Variants in FBXO34 observed in about 807,000 individuals in gnomAD.
FBXO34 encodes F-box protein 34.
Under a neutral mutation model 24.5 loss-of-function variants are expected in FBXO34, and 12 were observed. The observed-to-expected ratio is 0.49, with a 90% CI of 0.31 to 0.79. FBXO34 has a LOEUF of 0.79. Among genes scored for constraint, FBXO34 ranks in the 30% least tolerant of loss-of-function variants. The probability of loss-of-function intolerance (pLI) is 0.04; values close to 1 mark genes in which losing one functional copy is unlikely to be tolerated. For synonymous variants in FBXO34, 320 were observed against 311.9 expected (o/e 1.03, Z -0.27); for missense variants, 823 against 857.7 (o/e 0.96, Z 0.51).
At chr14:55,347,649 CCT>C (rs1329509926) in intron 1 of FBXO34, among the ~76,000 whole-genome samples, 1 of 152,150 alleles carries the variant, frequency 6.6e-6, no homozygotes, top group African/African-American at 2.4e-5. Context: ...GGGATCACCT[CCT>C]ATTTTAATCT....
At chr14:55,426,183 C>G in the FBXO34 span, among the ~76,000 whole-genome samples, 1 of 151,714 alleles carries the variant, frequency 6.6e-6, no homozygotes. Context: ...AGGAGAATCA[C>G]TTGAACCCTG....
chr14:55,442,905 G>C, the FBXO34 span, among the ~76,000 whole-genome samples: 1 of 152,200 alleles, frequency 6.6e-6, no homozygotes, highest in Admixed American at 6.5e-5. Flanking sequence ...TTCACACAGA[G>C]AAGGCCAGGT....
At chr14:55,365,159 C>T (rs140187672), downstream of FBXO34, among the ~76,000 whole-genome samples, 3 of 146,540 alleles carry the variant, frequency 2.0e-5, no homozygotes, top group Admixed American at 2.1e-4. Context: ...TGCAGTGAGC[C>T]GAGATCGTGC....
At chr14:55,404,894 T>C in the FBXO34 span, among the ~76,000 whole-genome samples, 1 of 152,204 alleles carries the variant, frequency 6.6e-6, no homozygotes, top group African/African-American at 2.4e-5. Flanking sequence ...CAGTTTCCTC[T>C]GCTTAAAATA....
chr14:55,437,076 C>T, the FBXO34 span: 9 of 1,469,296 alleles, frequency 6.1e-6, no homozygotes, highest in South Asian at 1.0e-4. Context: ...GCATGTTACA[C>T]AAAAGGGATG....
At chr14:55,289,201 T>A (rs980585924) in intron 1 of FBXO34, among the ~76,000 whole-genome samples, 9 of 152,298 alleles carry the variant, frequency 5.9e-5, no homozygotes, top group Middle Eastern at 3.4e-3. Context: ...CCAGCATTTT[T>A]AAATTTTGTT....
chr14:55,297,070 G>T (rs144942905), intron 1 of FBXO34, among the ~76,000 whole-genome samples: 1 of 152,124 alleles, frequency 6.6e-6, no homozygotes, highest in African/African-American at 2.4e-5. Flanking sequence ...CTTGACCGGC[G>T]TCATTTTGGC....
the FBXO34 span, among the ~76,000 whole-genome samples, chr14:55,416,770 A>C: frequency 6.6e-6 from 1 of 152,232 alleles, no homozygotes; most frequent in South Asian, 2.1e-4. Flanking sequence ...GTTAGCAGAC[A>C]ATGAAGCATA....
chr14:55,311,547 TC>T (rs1157100788), intron 1 of FBXO34, among the ~76,000 whole-genome samples: 3 of 152,130 alleles, frequency 2.0e-5, no homozygotes, highest in African/African-American at 7.2e-5. Flanking sequence ...GCAAGTCCCT[TC>T]CACCTAGCAG....
the FBXO34 span, among the ~76,000 whole-genome samples, chr14:55,379,327 G>A: frequency 1.3e-5 from 2 of 151,898 alleles, no homozygotes; most frequent in East Asian, 2.0e-4. Flanking sequence ...CTTGAGCCCA[G>A]GAGTTCAAGA....
At chr14:55,290,985 A>G (rs559600788) in intron 1 of FBXO34, among the ~76,000 whole-genome samples, 125 of 151,034 alleles carry the variant, frequency 8.3e-4, no homozygotes, top group African/African-American at 3.0e-3. Flanking sequence ...ATGCCCACCT[A>G]GTTTTTTTTT....
chr14:55,348,464 A>C (rs180829311), intron 1 of FBXO34, among the ~76,000 whole-genome samples: 1 of 152,270 alleles, frequency 6.6e-6, no homozygotes, highest in Admixed American at 6.5e-5. Context: ...TGAAGCATAC[A>C]TCTTGGACAG....
intron 1 of FBXO34, among the ~76,000 whole-genome samples, chr14:55,337,326 C>G (rs1427372117): frequency 6.6e-6 from 1 of 152,168 alleles, no homozygotes; most frequent in Non-Finnish European, 1.5e-5. Flanking sequence ...TAGCATTTCT[C>G]ATTCTATGGA....
At chr14:55,428,820 G>C in the FBXO34 span, 1 of 1,614,026 alleles carries the variant, frequency 6.2e-7, no homozygotes, top group Non-Finnish European at 8.5e-7. Flanking sequence ...CTGAACTGCT[G>C]ATGGGTTAGC....
At chr14:55,429,376 C>A in the FBXO34 span, among the ~76,000 whole-genome samples, 1 of 152,170 alleles carries the variant, frequency 6.6e-6, no homozygotes, top group Non-Finnish European at 1.5e-5. Context: ...GGGGTGGGGC[C>A]GAGCAATCTG....
At chr14:55,424,403 A>C in the FBXO34 span, 1 of 555,604 alleles carries the variant, frequency 1.8e-6, no homozygotes, top group Admixed American at 3.2e-5. Context: ...CTTGATGAAG[A>C]GTCTTGAGTG....
chr14:55,320,525 G>A (rs1329277134), intron 1 of FBXO34, among the ~76,000 whole-genome samples: 1 of 152,216 alleles, frequency 6.6e-6, no homozygotes, highest in Non-Finnish European at 1.5e-5. Flanking sequence ...GCTGAGGCGG[G>A]CAGATCACGA....
downstream of FBXO34, among the ~76,000 whole-genome samples, chr14:55,371,052 G>C (rs535094746): frequency 6.6e-6 from 1 of 152,266 alleles, no homozygotes; most frequent in East Asian, 1.9e-4. Flanking sequence ...CTGCCTTCCA[G>C]GGAACTGCCC....
At chr14:55,430,686 T>A in the FBXO34 span, among the ~76,000 whole-genome samples, 7 of 152,188 alleles carry the variant, frequency 4.6e-5, no homozygotes, top group Admixed American at 1.3e-4. Flanking sequence ...TGTGAGCCAC[T>A]GCACATGGCC....
Sources: allele counts gnomAD v4.1 joint callset (sites outside exome capture counted in the v4.1 genomes callset), GRCh38; gene constraint gnomAD v4.1.1; transcripts MANE v1.5; gene names NCBI Gene and HGNC (gene_info 2026-07-23, HGNC 2026-07-21).